AKAP6: variants seen among roughly 807,000 people sequenced by gnomAD.
AKAP6 encodes A-kinase anchoring protein 6.
Under a neutral mutation model 188.5 loss-of-function variants are expected in AKAP6, and 58 were observed. The observed-to-expected ratio is 0.31, with a 90% CI of 0.25 to 0.38. The LOEUF is 0.38. AKAP6 is among the 10% of genes least tolerant of loss of function. The probability of loss-of-function intolerance (pLI) is 1.00; values close to 1 mark genes in which losing one functional copy is unlikely to be tolerated. For synonymous variants in AKAP6, 989 were observed against 998.6 expected, an observed-to-expected ratio of 0.99 and a Z score of 0.18; for missense variants, 2,710 against 2,740.0, an observed-to-expected ratio of 0.99 and a Z score of 0.24.
chr14:32,719,603 G>A (rs1363660562), intron 9 of AKAP6, among the ~76,000 whole-genome samples: 1 of 152,070 alleles, frequency 6.6e-6, no homozygotes, highest in Non-Finnish European at 1.5e-5. Flanking sequence ...AATTAATTTG[G>A]CATTATTTTT....
intron 2 of AKAP6, among the ~76,000 whole-genome samples, chr14:32,501,955 A>C (rs754853170): frequency 6.6e-6 from 1 of 152,146 alleles, no homozygotes; most frequent in Non-Finnish European, 1.5e-5. Flanking sequence ...TAATGAAGCA[A>C]ATATGCCTTA....
chr14:32,786,302 T>TTTTTTTTTTGTTTTG (rs1566710206), intron 12 of AKAP6, among the ~76,000 whole-genome samples: 1 of 72,388 alleles, frequency 1.4e-5, no homozygotes, highest in Non-Finnish European at 2.7e-5. Context: ...CTTTATCTTT[T>TTTTTTTTTTGTTTTG]TTTTTTTTTT....
chr14:32,688,478 T>C (rs1052261202), intron 8 of AKAP6, among the ~76,000 whole-genome samples: 1 of 152,170 alleles, frequency 6.6e-6, no homozygotes, highest in South Asian at 2.1e-4. Context: ...GTGTATGTTA[T>C]GTATGTCCTC....
At chr14:32,457,786 T>C (rs1891193756) in intron 2 of AKAP6, among the ~76,000 whole-genome samples, 1 of 152,204 alleles carries the variant, frequency 6.6e-6, no homozygotes. Context: ...TCTGTTTAGA[T>C]AGAGATGTTA....
At chr14:32,507,742 C>A (rs1566544919) in intron 2 of AKAP6, among the ~76,000 whole-genome samples, 1 of 152,150 alleles carries the variant, frequency 6.6e-6, no homozygotes, top group Non-Finnish European at 1.5e-5. Context: ...GGAGACAGGG[C>A]TTAAATTGGA....
intron 7 of AKAP6, among the ~76,000 whole-genome samples, chr14:32,655,155 T>C (rs1353602889): frequency 6.6e-6 from 1 of 152,192 alleles, no homozygotes; most frequent in East Asian, 1.9e-4. Context: ...AGGAAACAAT[T>C]GACTGTACCA....
rs559952620 is a variant in AKAP6 at position 32,678,383 on chromosome 14, G to A, written c.2803G>A (p.Glu935Lys). The change falls in exon 8 of 14, where the codon GAG (glutamate) becomes AAG (lysine). Residue 935 changes from glutamate to lysine, a missense_variant. By Grantham distance (56) the Glu-to-Lys change is moderately conservative. This residue lies in a region of AKAP6 where 2,473 missense variants were observed against 2,426.1 expected (regional missense o/e 1.02). Transcript: ENST00000280979. ...VEQMSLKLYS[E>K]QYTSSSKRKE... ...GCAGATGTCCCTCAAGCTGTACAGC[G>A]AGCAGTATACCAGCAGCAGCAAGCG... The A allele has an allele frequency of 3.2e-5, 51 of 1,613,846 alleles. No homozygotes were observed. The South Asian group carries it at 4.6e-4, about 15-fold the overall frequency.
chr14:32,583,887 T>C (rs1428293371), intron 5 of AKAP6, among the ~76,000 whole-genome samples: 1 of 152,210 alleles, frequency 6.6e-6, no homozygotes, highest in Non-Finnish European at 1.5e-5. Context: ...GTCACTCCTT[T>C]CTTTGACTAG....
intron 5 of AKAP6, 140 bp downstream of exon 5, chr14:32,577,382 A>G (rs1360481647): frequency 2.7e-5 from 30 of 1,091,956 alleles, no homozygotes; most frequent in Middle Eastern, 2.1e-4. Context: ...GTCACAGAAG[A>G]TGAAAATTTA....
At chr14:32,405,227 A>T (rs1198965586) in intron 1 of AKAP6, among the ~76,000 whole-genome samples, 1 of 152,058 alleles carries the variant, frequency 6.6e-6, no homozygotes, top group East Asian at 1.9e-4. Flanking sequence ...CCTTCCCTGG[A>T]TGCCTCCAAC....
intron 1 of AKAP6, among the ~76,000 whole-genome samples, chr14:32,363,865 A>G (rs932179058): frequency 6.6e-6 from 1 of 152,230 alleles, no homozygotes; most frequent in African/African-American, 2.4e-5. Context: ...CTGAGCTTCA[A>G]CTAAAAAGGC....
At chr14:32,403,855 C>T (rs1043418212) in intron 1 of AKAP6, among the ~76,000 whole-genome samples, 1 of 152,204 alleles carries the variant, frequency 6.6e-6, no homozygotes, top group African/African-American at 2.4e-5. Context: ...TTCTGCAGCC[C>T]TTCTCACCAC....
rs1373294231 is a variant in AKAP6 at position 32,617,642 on chromosome 14, T to C, written c.2730+16850T>C. 2.0e-5 allele frequency among the ~76,000 whole-genome samples: 3 copies of C among 152,320 alleles called. No individual in the cohort carries two copies. In the East Asian group the frequency reaches 5.8e-4, roughly 29 times the overall value. On this transcript the variant is annotated intron_variant, in intron 7 of 13. Transcript: ENST00000280979. ...GTCCTTTAGGTTGTTTTGTTTTGTT[T>C]TGAGACAGGGTCTTGCTCTGTCACA...
chr14:32,677,880 T>G (rs1889500906), intron 7 of AKAP6, among the ~76,000 whole-genome samples: 1 of 152,252 alleles, frequency 6.6e-6, no homozygotes, highest in Admixed American at 6.5e-5. Context: ...ACACTAGGCT[T>G]TTTTATTCTC....
rs117293381 is a variant in AKAP6, at chr14:32,743,520, G to T, written c.3372+7638G>T. 9.9e-3 allele frequency among the ~76,000 whole-genome samples: 1,499 copies of T among 151,904 alleles called. 20 individuals carry two copies. The highest frequency in any genetic ancestry group is 0.019 in the Admixed American group (292 of 15,256). ...ATGATTTAGTTTCTTGCTTTTCATTGTTTGTGTATCCATTTGTGTGTTTTT... is the reference window on the plus strand; with the variant it reads ...ATGATTTAGTTTCTTGCTTTTCATTTTTTGTGTATCCATTTGTGTGTTTTT... On this transcript the variant is annotated intron_variant, in intron 11 of 13. Transcript: ENST00000280979.
intron 4 of AKAP6, among the ~76,000 whole-genome samples, chr14:32,574,736 T>C (rs1327823759): frequency 6.6e-6 from 1 of 152,174 alleles, no homozygotes; most frequent in Admixed American, 6.5e-5. Context: ...AATACAATAG[T>C]AAAAACTGTT....
At chr14:32,757,365 G>A (rs1337033715) in intron 11 of AKAP6, among the ~76,000 whole-genome samples, 1 of 152,112 alleles carries the variant, frequency 6.6e-6, no homozygotes. Context: ...TAGGATTTCT[G>A]AACTGGTTTG....
At chr14:32,624,304 T>G (rs1313564937) in intron 7 of AKAP6, among the ~76,000 whole-genome samples, 1 of 152,152 alleles carries the variant, frequency 6.6e-6, no homozygotes, top group Non-Finnish European at 1.5e-5. Flanking sequence ...AGTCTTCTTT[T>G]CTTAAAACAT....
intron 12 of AKAP6, among the ~76,000 whole-genome samples, chr14:32,786,678 C>G (rs985408494): frequency 6.6e-6 from 1 of 151,864 alleles, no homozygotes; most frequent in Non-Finnish European, 1.5e-5. Flanking sequence ...GTTTTCTTAC[C>G]TCTCTAACTC....
Sources: gnomAD v4.1 joint callset for allele counts (sites outside exome capture counted in the v4.1 genomes callset) on GRCh38, gnomAD v4.1.1 for gene constraint, gnomAD v4.1.1 regional missense constraint, MANE v1.5 for transcripts, NCBI Gene and HGNC (gene_info 2026-07-23, HGNC 2026-07-21) for gene names.